Variants in DRC2 observed in about 807,000 individuals in gnomAD.
DRC2 encodes dynein regulatory complex subunit 2, also known as coiled-coil domain containing 65.
the DRC2 span, among the ~76,000 whole-genome samples, chr12:48,906,084 T>C: frequency 6.6e-6 from 1 of 151,980 alleles, no homozygotes; most frequent in Non-Finnish European, 1.5e-5. Flanking sequence ...GTCTTTTCCA[T>C]TTTCAACAAA....
At chr12:48,916,470 C>G in the DRC2 span, among the ~76,000 whole-genome samples, 1 of 151,506 alleles carries the variant, frequency 6.6e-6, no homozygotes, top group Non-Finnish European at 1.5e-5. Context: ...CGTGGAGGCG[C>G]GCGCCTGCAA....
At chr12:48,909,369 CA>C in the DRC2 span, among the ~76,000 whole-genome samples, 1 of 152,302 alleles carries the variant, frequency 6.6e-6, no homozygotes, top group East Asian at 1.9e-4. Flanking sequence ...TTTTCATAGC[CA>C]GCCTTGTTTC....
chr12:48,921,118 T>C, the DRC2 span: 12 of 1,610,056 alleles, frequency 7.5e-6, no homozygotes, highest in East Asian at 2.7e-4. Context: ...TTGGGCAGCA[T>C]TTGCTAATGG....
the DRC2 span, among the ~76,000 whole-genome samples, chr12:48,908,925 C>G: frequency 2.0e-5 from 3 of 151,728 alleles, no homozygotes; most frequent in Admixed American, 1.3e-4. Flanking sequence ...CTAATCCTGT[C>G]ACTCCACTGT....
At chr12:48,920,441 T>TTTTAAA in the DRC2 span, among the ~76,000 whole-genome samples, 14 of 67,812 alleles carry the variant, frequency 2.1e-4, no homozygotes, top group South Asian at 5.5e-4. Flanking sequence ...AACTCCATCT[T>TTTTAAA]AAAAAAAAAA....
At chr12:48,907,228 C>A in the DRC2 span, among the ~76,000 whole-genome samples, 1 of 151,978 alleles carries the variant, frequency 6.6e-6, no homozygotes. Flanking sequence ...AAAAACAAAA[C>A]AAAACAAAAA....
the DRC2 span, among the ~76,000 whole-genome samples, chr12:48,914,058 T>G: frequency 6.8e-6 from 1 of 146,468 alleles, no homozygotes; most frequent in Non-Finnish European, 1.5e-5. Flanking sequence ...GCCTTGTGAG[T>G]AGCTGGGATT....
chr12:48,913,669 T>C, the DRC2 span, among the ~76,000 whole-genome samples: 1 of 151,954 alleles, frequency 6.6e-6, no homozygotes, highest in African/African-American at 2.4e-5. Context: ...TTTTTTTTTC[T>C]TATTTTTAGT....
chr12:48,906,951 C>G, the DRC2 span, among the ~76,000 whole-genome samples: 1 of 151,720 alleles, frequency 6.6e-6, no homozygotes, highest in African/African-American at 2.4e-5. Context: ...CACGGTGGCT[C>G]AAGCCTGTAA....
chr12:48,918,808 A>G, the DRC2 span: 2 of 1,614,196 alleles, frequency 1.2e-6, no homozygotes, highest in Non-Finnish European at 1.7e-6. Context: ...TAAGGCCCAA[A>G]GAACTCAGGC....
the DRC2 span, chr12:48,904,133 A>G: frequency 1.7e-6 from 1 of 604,876 alleles, no homozygotes; most frequent in Non-Finnish European, 2.8e-6. Context: ...CTAGGAGACT[A>G]GACGCGTCTT....
chr12:48,921,290 G>C, the DRC2 span: 1 of 1,614,224 alleles, frequency 6.2e-7, no homozygotes, highest in African/African-American at 1.3e-5. Context: ...AGCTGCGGGA[G>C]ATGCTGAAGC....
At chr12:48,921,328 A>G in the DRC2 span, 1 of 1,614,216 alleles carries the variant, frequency 6.2e-7, no homozygotes, top group African/African-American at 1.3e-5. Flanking sequence ...TCAGTGAGTG[A>G]CGAAGTGCTG....
the DRC2 span, among the ~76,000 whole-genome samples, chr12:48,915,114 C>A: frequency 7.5e-6 from 1 of 133,930 alleles, no homozygotes. Context: ...CACTTTCTTT[C>A]TTTTTTTTTT....
the DRC2 span, among the ~76,000 whole-genome samples, chr12:48,910,836 G>A: frequency 1.3e-5 from 2 of 152,066 alleles, no homozygotes; most frequent in South Asian, 2.1e-4. Flanking sequence ...CTTGAGCCTA[G>A]GAGTTCGAGA....
the DRC2 span, chr12:48,914,264 AG>A: frequency 1.2e-6 from 1 of 828,358 alleles, no homozygotes; most frequent in African/African-American, 1.7e-5. Context: ...GCTTTACACA[AG>A]AGTGAGGGGG....
chr12:48,912,699 T>A, the DRC2 span, among the ~76,000 whole-genome samples: 2 of 152,158 alleles, frequency 1.3e-5, no homozygotes, highest in African/African-American at 2.4e-5. Flanking sequence ...CAAGGTCACA[T>A]AGCAGAGAAT....
chr12:48,904,366 G>A, the DRC2 span: 3 of 1,613,876 alleles, frequency 1.9e-6, no homozygotes, highest in Non-Finnish European at 1.7e-6. Flanking sequence ...TGGCCAAGAC[G>A]CCCCTGTCCG....
At chr12:48,920,444 A>T in the DRC2 span, among the ~76,000 whole-genome samples, 67 of 130,462 alleles carry the variant, frequency 5.1e-4, no homozygotes, top group Non-Finnish European at 8.4e-4. Context: ...TCCATCTTAA[A>T]AAAAAAAAAA....
Sources: allele counts gnomAD v4.1 joint callset (sites outside exome capture counted in the v4.1 genomes callset), GRCh38; gene constraint gnomAD v4.1.1; transcripts MANE v1.5; gene names NCBI Gene and HGNC (gene_info 2026-07-23, HGNC 2026-07-21).